PALM2AKAP2: variants seen among roughly 807,000 people sequenced by gnomAD.
PALM2AKAP2 encodes PALM2 and AKAP2 fusion, also known as PALM2-AKAP2 fusion protein.
PALM2AKAP2 carries 37 observed loss-of-function variants against 71.5 expected under a neutral mutation model. The ratio of observed to expected loss-of-function variants is 0.52; its 90% CI spans 0.40 to 0.68. The LOEUF is 0.68. PALM2AKAP2 is among the 30% of genes least tolerant of loss of function. The probability of loss-of-function intolerance (pLI) is 0.00; values close to 1 mark genes in which losing one functional copy is unlikely to be tolerated. For synonymous variants in PALM2AKAP2, 468 were observed against 478.8 expected, an observed-to-expected ratio of 0.98 and a Z score of 0.29; for missense variants, 1,224 against 1,191.8, an observed-to-expected ratio of 1.03 and a Z score of -0.40.
chr9:110,140,422 G>A (rs529946600), intron 2 of PALM2AKAP2, among the ~76,000 whole-genome samples: 5 of 152,300 alleles, frequency 3.3e-5, no homozygotes, highest in Admixed American at 3.3e-4. Context: ...TGATGATGGA[G>A]AATGGTATTT....
At chr9:110,164,437 G>A (rs1451168291) in intron 3 of PALM2AKAP2, among the ~76,000 whole-genome samples, 1 of 152,082 alleles carries the variant, frequency 6.6e-6, no homozygotes, top group African/African-American at 2.4e-5. Flanking sequence ...TAATATTAAA[G>A]GGTTGTTGAG....
intron 3 of PALM2AKAP2, among the ~76,000 whole-genome samples, chr9:109,918,104 C>T (rs1830737637): frequency 6.6e-6 from 1 of 152,162 alleles, no homozygotes; most frequent in South Asian, 2.1e-4. Context: ...TTTATGTGTT[C>T]ACATGGCTGT....
intron 1 of PALM2AKAP2, among the ~76,000 whole-genome samples, chr9:109,725,764 T>C (rs1828465788): frequency 1.3e-5 from 2 of 152,226 alleles, no homozygotes; most frequent in Non-Finnish European, 1.5e-5. Context: ...ATTCCAATTA[T>C]GCAACACACA....
At chr9:109,686,693 A>C (rs1361754106) in intron 1 of PALM2AKAP2, among the ~76,000 whole-genome samples, 1 of 151,034 alleles carries the variant, frequency 6.6e-6, no homozygotes, top group South Asian at 2.1e-4. Context: ...TTTTTTTATT[A>C]TACTTTAAGT....
chr9:109,706,840 A>C (rs565527368), intron 1 of PALM2AKAP2, among the ~76,000 whole-genome samples: 1 of 152,332 alleles, frequency 6.6e-6, no homozygotes, highest in African/African-American at 2.4e-5. Context: ...TTTATTTTAA[A>C]TGTCCAGAAT....
chr9:109,927,603 C>G (rs534103822), intron 5 of PALM2AKAP2, among the ~76,000 whole-genome samples: 1 of 152,266 alleles, frequency 6.6e-6, no homozygotes, highest in Admixed American at 6.5e-5. Context: ...GTGTGTCCCT[C>G]TATGCATGGC....
At chr9:110,125,454 AG>A in intron 1 of PALM2AKAP2, 2 of 969,902 alleles carry the variant, frequency 2.1e-6, no homozygotes, top group South Asian at 9.5e-5. Flanking sequence ...TAGGGAGCAG[AG>A]GGAGGGCCCA....
intron 1 of PALM2AKAP2, among the ~76,000 whole-genome samples, chr9:110,124,350 G>A (rs906257618): frequency 3.9e-5 from 6 of 152,130 alleles, no homozygotes; most frequent in Admixed American, 6.6e-5. Flanking sequence ...CATGTGTAGC[G>A]TTTGTCATCT....
At chr9:109,994,215 A>G (rs974101704) in intron 6 of PALM2AKAP2, among the ~76,000 whole-genome samples, 1 of 152,210 alleles carries the variant, frequency 6.6e-6, no homozygotes, top group African/African-American at 2.4e-5. Flanking sequence ...GTGCTTTAAA[A>G]ATTTGCATGT....
At chr9:110,135,297 C>G (rs1835834915) in intron 1 of PALM2AKAP2, among the ~76,000 whole-genome samples, 1 of 59,224 alleles carries the variant, frequency 1.7e-5, no homozygotes, top group African/African-American at 7.6e-5. Context: ...AAAATCCCAT[C>G]TCAAAAAAAA....
At chr9:109,864,736 C>T (rs1295889547) in intron 1 of PALM2AKAP2, among the ~76,000 whole-genome samples, 2 of 152,192 alleles carry the variant, frequency 1.3e-5, no homozygotes, top group Admixed American at 1.3e-4. Flanking sequence ...CCCACAAAAT[C>T]TAAAATATTT....
chr9:110,027,053 A>T (rs891878699), intron 7 of PALM2AKAP2, among the ~76,000 whole-genome samples: 9 of 152,186 alleles, frequency 5.9e-5, no homozygotes, highest in Non-Finnish European at 1.3e-4. Context: ...AAAAACAAAA[A>T]CAAAAACAGA....
At chr9:109,888,336 AC>A (rs2131799493) in intron 3 of PALM2AKAP2, among the ~76,000 whole-genome samples, 1 of 152,188 alleles carries the variant, frequency 6.6e-6, no homozygotes, top group South Asian at 2.1e-4. Context: ...GGAAAACTAT[AC>A]CCACCTTGCA....
exon 2 of PALM2AKAP2, chr9:110,137,450 A>C: frequency 6.2e-7 from 1 of 1,614,112 alleles, no homozygotes; most frequent in Non-Finnish European, 8.5e-7. Flanking sequence ...GGCAGCAGGA[A>C]GCCAGGGCAA....
intron 1 of PALM2AKAP2, among the ~76,000 whole-genome samples, chr9:109,830,756 T>C (rs1392515944): frequency 1.3e-5 from 2 of 152,172 alleles, no homozygotes; most frequent in African/African-American, 4.8e-5. Context: ...TTAATCCTCA[T>C]GACAATCCTA....
At chr9:110,137,619 C>G (rs1348827131) in exon 2 of PALM2AKAP2, 8 of 1,614,112 alleles carry the variant, frequency 5.0e-6, no homozygotes, top group Non-Finnish European at 6.8e-6. Context: ...TTCTCAAGAT[C>G]TGTCAATGTC....
At chr9:109,691,202 CACAT>C (rs1306505595) in intron 1 of PALM2AKAP2, among the ~76,000 whole-genome samples, 1 of 150,570 alleles carries the variant, frequency 6.6e-6, no homozygotes. Context: ...CACACACACA[CACAT>C]GCACACACAG....
chr9:110,092,209 G>A (rs1390782224), intron 1 of PALM2AKAP2, among the ~76,000 whole-genome samples: 1 of 152,174 alleles, frequency 6.6e-6, no homozygotes, highest in Admixed American at 6.5e-5. Flanking sequence ...GTGCATTCCT[G>A]TAGTCCCAGC....
At chr9:110,153,998 C>T (rs1464351863) in intron 2 of PALM2AKAP2, among the ~76,000 whole-genome samples, 2 of 152,172 alleles carry the variant, frequency 1.3e-5, no homozygotes, top group Non-Finnish European at 2.9e-5. Context: ...GAGAGGTCAA[C>T]TGGAAAATGA....
Sources: gnomAD v4.1 joint callset for allele counts (sites outside exome capture counted in the v4.1 genomes callset) on GRCh38, gnomAD v4.1.1 for gene constraint, MANE v1.5 for transcripts, NCBI Gene and HGNC (gene_info 2026-07-23, HGNC 2026-07-21) for gene names.